Variants in TRIM65 observed in about 807,000 individuals in gnomAD.
TRIM65 encodes E3 ubiquitin-protein ligase TRIM65.
Under a neutral mutation model 36.1 loss-of-function variants are expected in TRIM65, and 46 were observed. The ratio of observed to expected loss-of-function variants is 1.27; its 90% CI spans 1.01 to 1.63. The LOEUF (loss-of-function observed/expected upper bound fraction) is 1.63. Among genes scored for constraint, TRIM65 ranks in the 40% most tolerant of loss-of-function variants. The pLI is 0.00. For missense variants in TRIM65, 708 were observed against 696.6 expected (o/e 1.02, Z -0.18); for synonymous variants, 346 against 313.6 (o/e 1.10, Z -1.09).
At chr17:75,888,247 G>A (rs1426580963), downstream of TRIM65, among the ~76,000 whole-genome samples, 1 of 151,274 alleles carries the variant, frequency 6.6e-6, no homozygotes, top group Non-Finnish European at 1.5e-5. Context: ...CAGCTACTCG[G>A]GAGGCTGAGG....
rs563273666 is a variant in TRIM65, at chr17:75,888,975, G to C, written c.*1804C>G. On this transcript the variant is annotated 3_prime_UTR_variant, in exon 6 of 6. Transcript: ENST00000269383. The stretch of plus-strand genomic sequence containing the variant: ...ATTACACGTATTATCCTTTTAAAAA[G>C]TTTTATTGTGAAATATTTATCCATG... The C allele has an allele frequency of 6.6e-6, 1 of 151,164 alleles. No individual in the cohort carries two copies. The highest frequency in any genetic ancestry group is 2.4e-5 in the African/African-American group (1 of 41,170). The allele number at this position is 151,164 out of a possible 1,614,324, so 9.4% of individuals were successfully genotyped here. A position where few individuals can be genotyped will look rare whatever the true frequency, so the allele number is the denominator to read the frequency against.
In TRIM65 at chr17:75,892,484, A is replaced by AAG; in HGVS notation, c.525_526dup (p.Leu176SerfsTer25). The stretch of plus-strand genomic sequence containing the variant: ...GAACTTGCCGGAGACCCAGGAGGCC[A>AAG]AGATGCAGGCCGAGTTCTGGGCGGG... On this transcript the variant is annotated frameshift_variant, in exon 3 of 6. Transcript: ENST00000269383. LOFTEE classifies it high-confidence loss of function. 2 of 1,613,930 alleles carry AAG rather than the reference A, an allele frequency of 1.2e-6. No individual in the cohort carries two copies. The highest frequency in any genetic ancestry group is 1.7e-6 in the Non-Finnish European group (2 of 1,179,898).
At position 75,891,190 on chromosome 17, in the gene TRIM65, G is replaced by C; in HGVS notation, c.1143C>G (p.Ala381=). The C allele has an allele frequency of 6.2e-7, 1 of 1,611,660 alleles. No homozygotes were observed. The highest frequency in any genetic ancestry group is 1.3e-5 in the African/African-American group (1 of 75,034). ...WQVQCAQSFQ[A]GHHYWEVRAS... ...CGCGCACCTCCCAGTAGTGGTGCCC[G>C]GCCTGGAAGCTCTGGGCACATTGCA... The change falls in exon 6 of 6, where the codon GCC becomes GCG. Residue 381 remains alanine, a synonymous_variant. Transcript: ENST00000269383.
chr17:75,881,401 C>T (rs2065168954), intron 4 of TRIM65, among the ~76,000 whole-genome samples: 2 of 150,442 alleles, frequency 1.3e-5, no homozygotes, highest in South Asian at 2.1e-4. Context: ...ACACAACAGA[C>T]ACTCCTCACA....
chr17:75,892,534 A>G, intron 2 of TRIM65, 34 bp from the exon 3 acceptor site: 1 of 1,588,312 alleles, frequency 6.3e-7, no homozygotes, highest in Non-Finnish European at 8.6e-7. Flanking sequence ...CAGGGTGGCC[A>G]GGGCCCTGTG....
rs1433822005 is a variant in TRIM65, at chr17:75,889,590, G to A, written c.*1189C>T. 2 of 152,166 alleles carry A rather than the reference G, an allele frequency of 1.3e-5. No individual in the cohort carries two copies. The highest frequency in any genetic ancestry group is 2.9e-5 in the Non-Finnish European group (2 of 68,046). The allele number at this position is 152,166 out of a possible 1,614,324, so 9.4% of individuals were successfully genotyped here. On this transcript the variant is annotated 3_prime_UTR_variant, in exon 6 of 6. Transcript: ENST00000269383. ...GCCCCAAAGTCCCACACCCAGGGGTGGGATGCTGGAGATGAAGGTCCTGCC... is the reference window on the plus strand; with the variant it reads ...GCCCCAAAGTCCCACACCCAGGGGTAGGATGCTGGAGATGAAGGTCCTGCC...
At chr17:75,892,726 T>C (rs751928396) in intron 2 of TRIM65, 29 bp downstream of exon 2, 12 of 1,589,056 alleles carry the variant, frequency 7.6e-6, no homozygotes, top group Non-Finnish European at 9.4e-6. Context: ...TGTGAGGCCA[T>C]GGTGGGCGGG....
At chr17:75,880,390 T>G (rs1163712213) in exon 5 of TRIM65, 1 of 147,890 alleles carries the variant, frequency 6.8e-6, no homozygotes, top group African/African-American at 2.6e-5. Context: ...ACTGCTGGGC[T>G]CGAGTAATCT....
At position 75,890,427 on chromosome 17, in the gene TRIM65, T is replaced by C; in HGVS notation, c.*352A>G. The C allele has an allele frequency of 5.4e-6, 1 of 183,550 alleles. No individual in the cohort carries two copies. The highest frequency in any genetic ancestry group is 1.1e-5 in the Non-Finnish European group (1 of 89,970). 11.4% of individuals were successfully genotyped at this position (183,550 alleles called of 1,614,324 possible). On this transcript the variant is annotated 3_prime_UTR_variant, in exon 6 of 6. Transcript: ENST00000269383. The stretch of plus-strand genomic sequence containing the variant: ...CCCTCCCTGACTGCTCCTTTGGCCC[T>C]TATCATCTCCAGAGGCAAGTTCAGG...
intron 5 of TRIM65, 47 bp downstream of exon 5, chr17:75,891,766 T>G: frequency 6.4e-7 from 1 of 1,574,774 alleles, no homozygotes; most frequent in Non-Finnish European, 8.6e-7. Context: ...AGGCACTTCC[T>G]TGCACACGCA....
At chr17:75,885,546 G>T (rs1327462371), downstream of TRIM65, among the ~76,000 whole-genome samples, 1 of 152,238 alleles carries the variant, frequency 6.6e-6, no homozygotes, top group Non-Finnish European at 1.5e-5. Context: ...CGCCCAGCCA[G>T]CTTGTTTGTG....
Position 75,891,898 on chromosome 17 carries a change from T to C in TRIM65, c.920-20A>G. On this transcript the variant is annotated intron_variant, in intron 4 of 5. Transcript: ENST00000269383. ...GGGCCTCTAGGGGGCAAAGCAGTGTTAAGGGAATGGTTGGAGAGGTCACGA... is the reference window on the plus strand; with the variant it reads ...GGGCCTCTAGGGGGCAAAGCAGTGTCAAGGGAATGGTTGGAGAGGTCACGA... 1 of 1,605,580 alleles carries C rather than the reference T, an allele frequency of 6.2e-7. No individual in the cohort carries two copies. Among genetic ancestry groups the C allele is most frequent in the South Asian group, 1.1e-5 (1 of 89,774 alleles).
chr17:75,891,472 G>T, intron 5 of TRIM65, 125 bp from the exon 6 acceptor site: 1 of 1,036,486 alleles, frequency 9.6e-7, no homozygotes, highest in Non-Finnish European at 1.4e-6. Context: ...CTTAATCCTC[G>T]CCACGACCTC....
At position 75,896,732 on chromosome 17, in the gene TRIM65, A is replaced by T; in HGVS notation, c.206T>A (p.Val69Glu). Residue 69 changes from valine to glutamate, a missense_variant, in exon 1 of 6, where the codon GTG (valine) becomes GAG (glutamate). Coordinates refer to ENST00000269383, the MANE Select transcript of TRIM65 (RefSeq NM_173547.4). Reference protein sequence around the residue: ...ELRRNVALSGVLEVVRAGPAR... With the variant: ...ELRRNVALSGELEVVRAGPAR... ...GGGCCCGGCGCGCACCACCTCCAGCACGCCGCTGAGGGCCACGTTGCGGCG... is the reference window on the plus strand; with the variant it reads ...GGGCCCGGCGCGCACCACCTCCAGCTCGCCGCTGAGGGCCACGTTGCGGCG... 3 of 1,452,598 alleles carry T rather than the reference A, an allele frequency of 2.1e-6. No individual in the cohort carries two copies. Among genetic ancestry groups the T allele is most frequent in the Middle Eastern group, 4.8e-4 (2 of 4,164 alleles). The allele number at this position is 1,452,598 out of a possible 1,614,324, so 90.0% of individuals were successfully genotyped here.
chr17:75,895,006 C>T (rs1205409744), intron 1 of TRIM65, among the ~76,000 whole-genome samples: 1 of 152,230 alleles, frequency 6.6e-6, no homozygotes, highest in Non-Finnish European at 1.5e-5. Flanking sequence ...GCCAGGGTCC[C>T]AGGTGCCACA....
chr17:75,892,119 G>T lies in TRIM65; in HGVS notation c.811C>A (p.Gln271Lys). 3 of 1,562,098 alleles carry T rather than the reference G, an allele frequency of 1.9e-6. No homozygotes were observed. Among genetic ancestry groups the T allele is most frequent in the Non-Finnish European group, 1.7e-6 (2 of 1,152,772 alleles). Reference sequence around the variant, plus strand: ...AACTGCTTCAGGTCACCCAGCTGTTGGTCTTCATCCCACTGCAGAGGGGTC... The same window carrying T: ...AACTGCTTCAGGTCACCCAGCTGTTTGTCTTCATCCCACTGCAGAGGGGTC... ...PLTPLQWDED[Q>K]QLGDLKQLLS... is the part of the protein sequence containing the mutation. Residue 271 changes from glutamine to lysine, a missense_variant, in exon 4 of 6, where the codon CAA (glutamine) becomes AAA (lysine). Transcript: ENST00000269383.
At chr17:75,888,111 G>C (rs2065222824), downstream of TRIM65, among the ~76,000 whole-genome samples, 1 of 151,538 alleles carries the variant, frequency 6.6e-6, no homozygotes, top group African/African-American at 2.4e-5. Context: ...AGCCGAGATT[G>C]AGCCACTGCA....
chr17:75,883,454 G>GT (rs2065181916), intron 4 of TRIM65, among the ~76,000 whole-genome samples: 1 of 146,306 alleles, frequency 6.8e-6, no homozygotes, highest in Non-Finnish European at 1.5e-5. Flanking sequence ...GTTTTATTTT[G>GT]TTTTTTGGTT....
chr17:75,896,579 C>T lies in TRIM65; in HGVS notation c.359G>A (p.Arg120His). The T allele has an allele frequency of 1.5e-6, 2 of 1,361,840 alleles. No individual in the cohort carries two copies. The highest frequency in any genetic ancestry group is 1.9e-6 in the Non-Finnish European group (2 of 1,059,112). 84.4% of individuals were successfully genotyped at this position (1,361,840 alleles called of 1,614,324 possible). ...CGCCCGCTCGTGGAGGCGACACTCG[C>T]GCACGGTGCACACGCTGCACACACA... Reference protein sequence around the residue: ...GRCVCSVCTVRECRLHERALL... With the variant: ...GRCVCSVCTVHECRLHERALL... The change falls in exon 1 of 6, where the codon CGC becomes CAC. Residue 120 changes from arginine (R) to histidine (H), a missense_variant. Transcript: ENST00000269383.
Sources: gnomAD v4.1 joint callset for allele counts (sites outside exome capture counted in the v4.1 genomes callset) on GRCh38, gnomAD v4.1.1 for gene constraint, MANE v1.5 for transcripts, NCBI Gene and HGNC (gene_info 2026-07-23, HGNC 2026-07-21) for gene names.